The following FOXP2 variants were observed in gnomAD, a reference collection of about 807,000 sequenced individuals.
FOXP2 encodes the protein forkhead box protein P2.
A neutral mutation model predicts 115.8 loss-of-function variants in FOXP2; 12 were observed. The ratio of observed to expected loss-of-function variants is 0.10; its 90% confidence interval spans 0.07 to 0.17. The LOEUF (loss-of-function observed/expected upper bound fraction) is 0.17. FOXP2 is among the 10% of genes least tolerant of loss of function. FOXP2 has a pLI of 1.00. For missense variants in FOXP2, 629 were observed against 843.5 expected, an observed-to-expected ratio of 0.75 and a Z score of 3.15; for synonymous variants, 328 against 297.7, an observed-to-expected ratio of 1.10 and a Z score of -1.05.
intron 2 of FOXP2, among the ~76,000 whole-genome samples, chr7:114,323,539 T>C (rs1051347974): frequency 6.6e-5 from 10 of 152,178 alleles, no homozygotes; most frequent in African/African-American, 2.4e-4. Context: ...GTAATCATTC[T>C]AAGTCAGAGT....
At chr7:114,172,076 C>T (rs920940491) in intron 1 of FOXP2, among the ~76,000 whole-genome samples, 6 of 152,126 alleles carry the variant, frequency 3.9e-5, no homozygotes, top group East Asian at 3.9e-4. Flanking sequence ...AAGGATAAGC[C>T]CTTAGCAATT....
At chr7:114,571,612 G>C (rs1801306662) in intron 3 of FOXP2, among the ~76,000 whole-genome samples, 1 of 151,604 alleles carries the variant, frequency 6.6e-6, no homozygotes, top group African/African-American at 2.4e-5. Flanking sequence ...AAAAATGGAT[G>C]GTTGCATCTG....
intron 1 of FOXP2, among the ~76,000 whole-genome samples, chr7:114,211,192 C>G (rs895239204): frequency 2.0e-5 from 3 of 152,194 alleles, no homozygotes; most frequent in Non-Finnish European, 2.9e-5. Flanking sequence ...ATTCAGCCCC[C>G]TTCCTAAAGA....
At chr7:114,288,826 A>G (rs1796524922) in intron 2 of FOXP2, among the ~76,000 whole-genome samples, 1 of 151,824 alleles carries the variant, frequency 6.6e-6, no homozygotes, top group Non-Finnish European at 1.5e-5. Context: ...TTTTAAAGGA[A>G]ACCTAAAAGC....
upstream of FOXP2, among the ~76,000 whole-genome samples, chr7:114,161,928 G>A (rs1006613673): frequency 3.3e-5 from 5 of 151,920 alleles, no homozygotes; most frequent in Admixed American, 6.6e-5. Flanking sequence ...CATTACAGGC[G>A]CATTTCACCA....
chr7:114,442,677 CT>C (rs774546721), intron 2 of FOXP2, among the ~76,000 whole-genome samples: 16 of 152,222 alleles, frequency 1.1e-4, no homozygotes, highest in Non-Finnish European at 1.9e-4. Context: ...TGGCCTCAAA[CT>C]CCTGGGCTCA....
chr7:114,391,214 T>C (rs1213752606), intron 2 of FOXP2, among the ~76,000 whole-genome samples: 3 of 151,846 alleles, frequency 2.0e-5, no homozygotes, highest in African/African-American at 7.3e-5. Flanking sequence ...ATCTGACTTC[T>C]CTGGAAAACA....
rs181967904 is a variant in FOXP2, at chr7:114,526,643, C to T, written c.169-7974C>T. Among the ~76,000 whole-genome samples, 184 of 152,228 alleles carry T rather than the reference C, an allele frequency of 1.2e-3. 1 individual carries two copies. The highest frequency in any genetic ancestry group is 4.0e-3 in the African/African-American group (168 of 41,540). ...TCTGCAAACTACTTCTACTTCAGTA[C>T]CCTATAGGAACTGATATCTGATAGG... is the stretch of plus-strand genomic sequence containing the variant. On this transcript the variant is annotated intron_variant, in intron 2 of 16. Transcript: ENST00000350908.
At chr7:114,635,711 G>T (rs1330808690) in intron 6 of FOXP2, among the ~76,000 whole-genome samples, 1 of 152,010 alleles carries the variant, frequency 6.6e-6, no homozygotes, top group East Asian at 1.9e-4. Flanking sequence ...ACATTAAAAT[G>T]AATTTAATTC....
intron 2 of FOXP2, among the ~76,000 whole-genome samples, chr7:114,494,460 C>A (rs747090017): frequency 2.0e-5 from 3 of 152,106 alleles, no homozygotes; most frequent in Non-Finnish European, 2.9e-5. Context: ...GCTGGGATTA[C>A]AAATGCATGC....
intron 1 of FOXP2, among the ~76,000 whole-genome samples, chr7:114,420,384 G>C (rs965666418): frequency 5.9e-5 from 9 of 151,890 alleles, no homozygotes; most frequent in African/African-American, 1.9e-4. Context: ...TTCTTGGAGA[G>C]CTAATTATTT....
rs144511332 is a variant in FOXP2 at position 114,334,931 on chromosome 7, C to CTATATATATATATATATA, written c.-11+46833_-11+46850dup. 2.6e-3 allele frequency among the ~76,000 whole-genome samples: 316 copies of CTATATATATATATATATA among 119,254 alleles called. 5 individuals are homozygous for CTATATATATATATATATA. The highest frequency in any genetic ancestry group is 0.023 in the East Asian group (75 of 3,320). The allele number at this position is 119,254 out of a possible 152,430, so 78.2% of individuals were successfully genotyped here. A position where few individuals can be genotyped will look rare whatever the true frequency, so the allele number is the denominator to read the frequency against. ...ATATATATTTTATATATATAGAAAT[C>CTATATATATATATATATA]TATATATATATATATATATATATAT... On this transcript the variant is annotated intron_variant, in intron 2 of 17. Transcript: ENST00000634411.
intron 8 of FOXP2, chr7:114,645,844 C>T (rs1805852504): frequency 6.6e-6 from 1 of 151,990 alleles, no homozygotes; most frequent in Admixed American, 6.6e-5. Context: ...AGTAAGACTT[C>T]CACAAAGATT....
intron 1 of FOXP2, among the ~76,000 whole-genome samples, chr7:114,249,396 G>C (rs577407323): frequency 6.6e-5 from 10 of 151,934 alleles, no homozygotes; most frequent in African/African-American, 2.4e-4. Flanking sequence ...CCCAATGTGT[G>C]TTGTTCCCCT....
At chr7:114,246,445 C>G (rs1795286681) in intron 1 of FOXP2, among the ~76,000 whole-genome samples, 1 of 151,956 alleles carries the variant, frequency 6.6e-6, no homozygotes, top group African/African-American at 2.4e-5. Flanking sequence ...GCCAAGGAAA[C>G]ATAAGATAAA....
chr7:114,374,689 C>A (rs765674923), intron 2 of FOXP2, among the ~76,000 whole-genome samples: 4 of 152,190 alleles, frequency 2.6e-5, no homozygotes, highest in Admixed American at 1.3e-4. Flanking sequence ...TTTATCCCCC[C>A]CTACTGTACT....
intron 2 of FOXP2, among the ~76,000 whole-genome samples, chr7:114,375,096 TA>T (rs772611961): frequency 0.027 from 3,932 of 147,056 alleles, 77 homozygotes; most frequent in South Asian, 0.1. Context: ...ACGATTTTTG[TA>T]AAAAAAAAAA....
At chr7:114,628,519 C>G in intron 3 of FOXP2, 21 bp from the exon 4 acceptor site, 1 of 1,612,566 alleles carries the variant, frequency 6.2e-7, no homozygotes, top group South Asian at 1.1e-5. Flanking sequence ...AATTTTCTTT[C>G]TCTTTCTCTT....
At chr7:114,254,546 T>C (rs1043337168) in intron 1 of FOXP2, among the ~76,000 whole-genome samples, 5 of 152,248 alleles carry the variant, frequency 3.3e-5, no homozygotes, top group African/African-American at 4.8e-5. Flanking sequence ...ATTCATTTGA[T>C]CTTCAATCAC....
Sources: gnomAD v4.1 joint callset for allele counts (sites outside exome capture counted in the v4.1 genomes callset) on GRCh38, gnomAD v4.1.1 for gene constraint, MANE v1.5 for transcripts, NCBI Gene and HGNC (gene_info 2026-07-23, HGNC 2026-07-21) for gene names.